The following PDGFC variants were observed in gnomAD, a reference collection of about 807,000 sequenced individuals.
PDGFC encodes the protein platelet-derived growth factor C.
Under a neutral mutation model 35.5 loss-of-function variants are expected in PDGFC, and 12 were observed. That is an observed-to-expected ratio of 0.34 (90% CI 0.22 to 0.55). The LOEUF (loss-of-function observed/expected upper bound fraction) is 0.55. Ranked by LOEUF, PDGFC falls within the 20% of genes least tolerant of loss-of-function variation. The probability of loss-of-function intolerance (pLI) is 0.91; values close to 1 mark genes in which losing one functional copy is unlikely to be tolerated. For missense variants in PDGFC, 322 were observed against 412.4 expected (o/e 0.78, Z 1.90); for synonymous variants, 159 against 148.8 (o/e 1.07, Z -0.50).
intron 5 of PDGFC, among the ~76,000 whole-genome samples, chr4:156,765,361 A>G (rs900221863): frequency 2.6e-5 from 4 of 152,208 alleles, no homozygotes; most frequent in African/African-American, 4.8e-5. Context: ...AATTAAAATG[A>G]TAAGTCCATG....
chr4:156,865,806 T>C (rs111425494), intron 1 of PDGFC, among the ~76,000 whole-genome samples: 1 of 152,228 alleles, frequency 6.6e-6, no homozygotes, highest in East Asian at 1.9e-4. Context: ...GAAGTTCATA[T>C]GTTTTAAAAT....
chr4:156,903,501 C>T (rs1382660274), intron 1 of PDGFC, among the ~76,000 whole-genome samples: 2 of 151,916 alleles, frequency 1.3e-5, no homozygotes, highest in Admixed American at 6.6e-5. Context: ...ACAAATAACA[C>T]AGCAGATGGT....
At position 156,889,287 on chromosome 4, in the gene PDGFC, T is replaced by C. The variant is rs955618068; in HGVS notation, c.119-38871A>G. ...CAGGTCTGATATTTTCCCTGAACAT[T>C]ATACCTTTCTATTAATACCAACTTA... is the stretch of plus-strand genomic sequence containing the variant. On this transcript the variant is annotated intron_variant, in intron 1 of 5. Coordinates refer to ENST00000502773, the MANE Select transcript of PDGFC (RefSeq NM_016205.3). 2.0e-5 allele frequency among the ~76,000 whole-genome samples: 3 copies of C among 152,186 alleles called. No homozygotes were observed. The South Asian group carries it at 6.2e-4, about 32-fold the overall frequency.
chr4:156,873,370 G>A (rs1183366324), intron 1 of PDGFC, among the ~76,000 whole-genome samples: 2 of 152,062 alleles, frequency 1.3e-5, no homozygotes, highest in Non-Finnish European at 2.9e-5. Context: ...CTCCTTCCAG[G>A]TATTTGGTTC....
rs541932553 is a variant in PDGFC at position 156,807,543 on chromosome 4, T to C, written c.495+3294A>G. On this transcript the variant is annotated intron_variant, in intron 3 of 5. Coordinates refer to ENST00000502773, the MANE Select transcript of PDGFC (RefSeq NM_016205.3). ...ACTATATGCTCTGTTATTCATAAAC[T>C]GAGGAAAAAAAGAGTGGGTAAATCA... Among the ~76,000 whole-genome samples, 27 of 152,106 alleles carry C rather than the reference T, an allele frequency of 1.8e-4. No homozygotes were observed. In the South Asian group the frequency reaches 5.2e-3, roughly 29 times the overall value.
At position 156,836,823 on chromosome 4, in the gene PDGFC, T is replaced by C. The variant is rs560518638; in HGVS notation, c.314+13398A>G. Among the ~76,000 whole-genome samples, 13 of 152,350 alleles carry C rather than the reference T, an allele frequency of 8.5e-5. No homozygotes were observed. In the South Asian group the frequency reaches 2.7e-3, roughly 32 times the overall value. ...ATTTTTTTTGTAAAAGATTTTTTTT[T>C]AGTCATTGTGACAAAATCCTTAGAG... On this transcript the variant is annotated intron_variant, in intron 2 of 5. Coordinates refer to ENST00000502773, the MANE Select transcript of PDGFC (RefSeq NM_016205.3).
chr4:156,812,098 G>C (rs1412327380), intron 2 of PDGFC, among the ~76,000 whole-genome samples: 1 of 151,778 alleles, frequency 6.6e-6, no homozygotes, highest in African/African-American at 2.4e-5. Flanking sequence ...GTCAACTATA[G>C]AGTAAATTGA....
chr4:156,927,428 G>A (rs1731441103), intron 1 of PDGFC, among the ~76,000 whole-genome samples: 1 of 152,082 alleles, frequency 6.6e-6, no homozygotes, highest in South Asian at 2.1e-4. Flanking sequence ...CAACTTTAAT[G>A]CTCTGTTTTC....
intron 2 of PDGFC, among the ~76,000 whole-genome samples, chr4:156,847,784 A>C (rs1276910287): frequency 1.6e-5 from 1 of 63,146 alleles, no homozygotes; most frequent in Non-Finnish European, 2.7e-5. Context: ...CAATGCTCCA[A>C]AATGGGAATA....
intron 1 of PDGFC, among the ~76,000 whole-genome samples, chr4:156,945,938 G>C (rs181028283): frequency 7.2e-5 from 11 of 152,134 alleles, no homozygotes; most frequent in African/African-American, 2.6e-4. Flanking sequence ...TCAACTACTG[G>C]AACTAAGAAA....
chr4:156,790,209 A>T (rs190515200), intron 3 of PDGFC, among the ~76,000 whole-genome samples: 2 of 152,324 alleles, frequency 1.3e-5, no homozygotes, highest in African/African-American at 4.8e-5. Context: ...TTGCAGCTCA[A>T]ATAAAATAAT....
Position 156,895,066 on chromosome 4 carries a change from T to C in PDGFC, c.119-44650A>G, listed in dbSNP as rs372876149. On this transcript the variant is annotated intron_variant, in intron 1 of 5. Transcript: ENST00000502773. Reference sequence around the variant, plus strand: ...TTCAGATAACATATCACACTTCTCCTGTTCCTCTCACAGAAGCTACTACTA... The same window carrying C: ...TTCAGATAACATATCACACTTCTCCCGTTCCTCTCACAGAAGCTACTACTA... 3.9e-5 allele frequency among the ~76,000 whole-genome samples: 6 copies of C among 152,312 alleles called. No homozygotes were observed. In the East Asian group the frequency reaches 9.6e-4, roughly 24 times the overall value.
intron 1 of PDGFC, among the ~76,000 whole-genome samples, chr4:156,851,930 C>CAAAAAA (rs61505882): frequency 1.3e-4 from 6 of 47,854 alleles, no homozygotes; most frequent in African/African-American, 3.3e-4. Flanking sequence ...GACTCCATCT[C>CAAAAAA]AAAAAAAAAA....
chr4:156,928,409 T>C (rs1012444681), intron 1 of PDGFC, among the ~76,000 whole-genome samples: 1 of 152,116 alleles, frequency 6.6e-6, no homozygotes, highest in South Asian at 2.1e-4. Context: ...AATTCACGCA[T>C]TGCACTTAGA....
intron 3 of PDGFC, among the ~76,000 whole-genome samples, chr4:156,793,534 CATATATATATAT>C (rs66571528): frequency 4.6e-5 from 6 of 130,636 alleles, no homozygotes; most frequent in Non-Finnish European, 9.7e-5. Flanking sequence ...GAATTATGTG[CATATATATATAT>C]ATATATATAT....
rs537218955 is a variant in PDGFC at position 156,879,120 on chromosome 4, C to A, written c.119-28704G>T. Among the ~76,000 whole-genome samples the A allele has an allele frequency of 2.4e-4, 37 of 152,256 alleles. 1 individual carries two copies. In the South Asian group the frequency reaches 7.5e-3, roughly 31 times the overall value. ...TACATAGCATATCCTCAAAAATGAG[C>A]TGCTTCTTTTCTCATTCTTCCTCCT... On this transcript the variant is annotated intron_variant, in intron 1 of 5. Coordinates refer to ENST00000502773, the MANE Select transcript of PDGFC (RefSeq NM_016205.3).
chr4:156,918,861 T>C (rs1731208526), intron 1 of PDGFC, among the ~76,000 whole-genome samples: 1 of 152,156 alleles, frequency 6.6e-6, no homozygotes, highest in East Asian at 1.9e-4. Flanking sequence ...CTCTCAAAAA[T>C]GGTATCACCC....
intron 2 of PDGFC, among the ~76,000 whole-genome samples, chr4:156,824,981 T>A (rs1310249214): frequency 6.6e-6 from 1 of 152,176 alleles, no homozygotes; most frequent in Non-Finnish European, 1.5e-5. Context: ...ATAGACATAA[T>A]GCCTTAATAC....
At chr4:156,888,151 G>A (rs192645338) in intron 1 of PDGFC, among the ~76,000 whole-genome samples, 4 of 152,162 alleles carry the variant, frequency 2.6e-5, no homozygotes, top group Admixed American at 6.5e-5. Context: ...CTTGTCAACC[G>A]TAGTACTTGT....
Sources: gnomAD v4.1 joint callset for allele counts (sites outside exome capture counted in the v4.1 genomes callset) on GRCh38, gnomAD v4.1.1 for gene constraint, MANE v1.5 for transcripts, NCBI Gene and HGNC (gene_info 2026-07-23, HGNC 2026-07-21) for gene names.